MARK3: variants seen among roughly 807,000 people sequenced by gnomAD.
MARK3 encodes MAP/microtubule affinity-regulating kinase 3.
MARK3 carries 46 observed loss-of-function variants against 90.1 expected under a neutral mutation model. The observed-to-expected ratio is 0.51, with a 90% CI of 0.40 to 0.65. The LOEUF (loss-of-function observed/expected upper bound fraction) is 0.65, where lower values mean the gene tolerates loss of function less well. MARK3 is among the 30% of genes least tolerant of loss of function. MARK3 has a pLI of 0.00. For missense variants in MARK3, 818 were observed against 947.2 expected (o/e 0.86, Z 1.79); for synonymous variants, 321 against 332.6 (o/e 0.97, Z 0.38).
At chr14:103,453,554 T>A (rs1296691130) in intron 5 of MARK3, among the ~76,000 whole-genome samples, 2 of 152,250 alleles carry the variant, frequency 1.3e-5, no homozygotes, top group African/African-American at 4.8e-5. Flanking sequence ...ACCACTTTTT[T>A]ATACTCCTAA....
At chr14:103,502,565 G>A (rs901464142) in intron 17 of MARK3, among the ~76,000 whole-genome samples, 4 of 152,240 alleles carry the variant, frequency 2.6e-5, no homozygotes, top group African/African-American at 9.6e-5. Flanking sequence ...GCCCTGAGGA[G>A]TGGGGCATGC....
chr14:103,501,689 C>T (rs1017834222), intron 17 of MARK3, among the ~76,000 whole-genome samples: 9 of 152,138 alleles, frequency 5.9e-5, no homozygotes, highest in African/African-American at 9.7e-5. Flanking sequence ...CGGGCTCCAC[C>T]TCTTCTGCTG....
chr14:103,410,675 C>T (rs1280961016), intron 2 of MARK3, among the ~76,000 whole-genome samples: 1 of 151,836 alleles, frequency 6.6e-6, no homozygotes, highest in East Asian at 1.9e-4. Flanking sequence ...GTACTCCAGC[C>T]GGGGCAACAG....
intron 3 of MARK3, among the ~76,000 whole-genome samples, chr14:103,444,083 T>C (rs2092929872): frequency 1.1e-5 from 1 of 86,992 alleles, no homozygotes; most frequent in Admixed American, 1.9e-4. Context: ...TTGGTAAAAT[T>C]GTCTTTTTTT....
Position 103,448,931 on chromosome 14 carries a change from G to A in MARK3, c.310G>A (p.Val104Ile), listed in dbSNP as rs2093063213. The A allele has an allele frequency of 1.9e-6, 3 of 1,564,580 alleles. No homozygotes were observed. The highest frequency in any genetic ancestry group is 2.6e-6 in the Non-Finnish European group (3 of 1,150,918). Residue 104 changes from valine (V) to isoleucine (I), a missense_variant, in exon 4 of 18, where the codon GTA becomes ATA. This residue lies in a region of MARK3 where 157 missense variants were observed against 158.7 expected (regional missense o/e 0.99). Transcript: ENST00000429436. The stretch of plus-strand genomic sequence containing the variant: ...TTTTTTTTTTTAGCTCTTCAGAGAA[G>A]TAAGAATAATGAAGATTTTAAATCA... Reference protein sequence around the residue: ...PTSLQKLFREVRIMKILNHPN... With the variant: ...PTSLQKLFREIRIMKILNHPN...
chr14:103,405,514 C>A (rs2091228143), intron 2 of MARK3, among the ~76,000 whole-genome samples: 1 of 152,092 alleles, frequency 6.6e-6, no homozygotes, highest in Admixed American at 6.5e-5. Context: ...CCACACCCAG[C>A]TAATTTTTTG....
intron 1 of MARK3, among the ~76,000 whole-genome samples, chr14:103,387,096 G>A (rs1010205064): frequency 1.3e-5 from 2 of 152,180 alleles, no homozygotes; most frequent in African/African-American, 4.8e-5. Context: ...AGTGTTATGA[G>A]GTAATTGCTG....
At chr14:103,428,252 G>T (rs1054082016) in intron 2 of MARK3, 135 bp from the exon 3 acceptor site, 2 of 538,778 alleles carry the variant, frequency 3.7e-6, no homozygotes, top group Admixed American at 8.0e-5. Flanking sequence ...ATTGCTTATT[G>T]TAACCAGCTG....
At chr14:103,400,404 A>C (rs1212870664) in intron 1 of MARK3, among the ~76,000 whole-genome samples, 5 of 152,192 alleles carry the variant, frequency 3.3e-5, no homozygotes, top group African/African-American at 1.2e-4. Flanking sequence ...CACGTGTTCA[A>C]CTTCTTGAAG....
At chr14:103,456,630 C>G (rs2093284011) in intron 5 of MARK3, among the ~76,000 whole-genome samples, 1 of 152,132 alleles carries the variant, frequency 6.6e-6, no homozygotes, top group South Asian at 2.1e-4. Flanking sequence ...CATTTATTGC[C>G]CCCTCCCCCA....
chr14:103,453,887 C>T (rs1221203264), intron 5 of MARK3, among the ~76,000 whole-genome samples: 3 of 152,190 alleles, frequency 2.0e-5, no homozygotes, highest in African/African-American at 4.8e-5. Context: ...TCACTGTGGG[C>T]GCTCTGGGCC....
At chr14:103,397,809 C>T (rs988163384) in intron 1 of MARK3, among the ~76,000 whole-genome samples, 4 of 152,154 alleles carry the variant, frequency 2.6e-5, no homozygotes, top group Non-Finnish European at 4.4e-5. Flanking sequence ...CCTTCCTATT[C>T]ATATTCTTAG....
chr14:103,437,091 CA>C (rs35695301), intron 3 of MARK3, among the ~76,000 whole-genome samples: 4,853 of 104,634 alleles, frequency 0.046, 236 homozygotes, highest in African/African-American at 0.15. Flanking sequence ...GAAACTCTGC[CA>C]AAAAAAAAAA....
intron 16 of MARK3, 54 bp from the exon 17 acceptor site, chr14:103,500,102 A>G: frequency 1.4e-6 from 2 of 1,437,608 alleles, no homozygotes; most frequent in Middle Eastern, 1.7e-4. Flanking sequence ...ACTGGCATGT[A>G]AGATTTCTTT....
intron 3 of MARK3, 24 bp from the exon 4 acceptor site, chr14:103,448,895 T>G: frequency 1.9e-6 from 3 of 1,542,532 alleles, no homozygotes; most frequent in East Asian, 2.3e-5. Flanking sequence ...GGGGATTATG[T>G]GTTTTGTTTG....
intron 3 of MARK3, among the ~76,000 whole-genome samples, chr14:103,432,197 G>A (rs180967786): frequency 2.4e-4 from 36 of 152,292 alleles, no homozygotes; most frequent in Non-Finnish European, 4.1e-4. Context: ...TGACCCAGTA[G>A]TAAAGCATTT....
intron 3 of MARK3, among the ~76,000 whole-genome samples, chr14:103,432,105 A>G (rs1404519248): frequency 2.2e-4 from 34 of 152,082 alleles, no homozygotes; most frequent in Admixed American, 2.2e-3. Flanking sequence ...TAAATTAGAT[A>G]TGGATGTCTC....
chr14:103,499,766 C>T (rs545330339), intron 16 of MARK3: 7 of 195,760 alleles, frequency 3.6e-5, no homozygotes, highest in Non-Finnish European at 7.3e-5. Flanking sequence ...ACCCATTATA[C>T]TGTGTGGCAC....
intron 1 of MARK3, chr14:103,386,494 C>G: frequency 4.4e-6 from 2 of 453,628 alleles, no homozygotes; most frequent in South Asian, 3.3e-5. Flanking sequence ...ACATATGTTA[C>G]CGGTGCTGAT....
Sources: gnomAD v4.1 joint callset for allele counts (sites outside exome capture counted in the v4.1 genomes callset) on GRCh38, gnomAD v4.1.1 for gene constraint, gnomAD v4.1.1 regional missense constraint, MANE v1.5 for transcripts, NCBI Gene and HGNC (gene_info 2026-07-23, HGNC 2026-07-21) for gene names.